MLXIPL: variants seen among roughly 807,000 people sequenced by gnomAD.
MLXIPL encodes MLX interacting protein like.
In MLXIPL, 49 loss-of-function variants were observed where a neutral mutation model predicts 81.5. The ratio of observed to expected loss-of-function variants is 0.60; its 90% confidence interval spans 0.48 to 0.76. The LOEUF is 0.76. Among genes scored for constraint, MLXIPL ranks in the 30% least tolerant of loss-of-function variants. The pLI is 0.00. For synonymous variants in MLXIPL, 466 were observed against 485.5 expected (o/e 0.96, Z 0.53); for missense variants, 1,053 against 1,167.0 (o/e 0.90, Z 1.42).
chr7:73,607,631 G>A lies in MLXIPL; in HGVS notation c.442C>T (p.Pro148Ser), dbSNP rs781941618. 1.2e-6 allele frequency: 2 copies of A among 1,613,498 alleles called. No individual in the cohort carries two copies. Among genetic ancestry groups the A allele is most frequent in the South Asian group, 1.1e-5 (1 of 91,068 alleles). Residue 148 changes from proline (P) to serine (S), a missense_variant, in exon 3 of 17, where the codon CCC becomes TCC. Pro to Ser is a moderately conservative substitution (Grantham distance 74). This residue lies in a region of MLXIPL where 226 missense variants were observed against 216.2 expected (regional missense o/e 1.05). Transcript: ENST00000313375. The part of the protein sequence containing the change: ...RKSPVCGFVT[P>S]LQGPEADAHR... ...GCATCAGCCTCAGGCCCCTGCAGGGGGGTCACGAAGCCACACACGGGGCTC... is the reference window on the plus strand; with the variant it reads ...GCATCAGCCTCAGGCCCCTGCAGGGAGGTCACGAAGCCACACACGGGGCTC...
intron 1 of MLXIPL, among the ~76,000 whole-genome samples, chr7:73,617,318 C>T (rs782541845): frequency 3.2e-4 from 49 of 152,152 alleles, no homozygotes; most frequent in African/African-American, 1.1e-3. Context: ...CATGCCCAGC[C>T]GAGGGTGCCT....
chr7:73,643,687 A>T, the MLXIPL span, among the ~76,000 whole-genome samples: 1 of 151,986 alleles, frequency 6.6e-6, no homozygotes, highest in African/African-American at 2.4e-5. Context: ...CCTTGCAAAC[A>T]TCATGTGTCA....
the MLXIPL span, among the ~76,000 whole-genome samples, chr7:73,632,553 T>C: frequency 1.4e-4 from 21 of 152,156 alleles, no homozygotes; most frequent in African/African-American, 5.1e-4. Flanking sequence ...TCTTCACTGA[T>C]GTCCTAGTGC....
the MLXIPL span, among the ~76,000 whole-genome samples, chr7:73,630,900 A>C: frequency 6.6e-6 from 1 of 152,324 alleles, no homozygotes; most frequent in East Asian, 1.9e-4. Context: ...ACCAAAACAC[A>C]AGACTATTCG....
At chr7:73,630,049 G>C in the MLXIPL span, among the ~76,000 whole-genome samples, 1 of 151,244 alleles carries the variant, frequency 6.6e-6, no homozygotes, top group Admixed American at 6.6e-5. Flanking sequence ...CCAGGCAGGA[G>C]TGCAGTGGCA....
the MLXIPL span, among the ~76,000 whole-genome samples, chr7:73,630,142 C>T: frequency 4.0e-5 from 6 of 151,778 alleles, no homozygotes; most frequent in Non-Finnish European, 7.4e-5. Context: ...GGACTACAGG[C>T]GCCCGCCACC....
chr7:73,626,899 C>T (rs1796763983), upstream of MLXIPL, among the ~76,000 whole-genome samples: 2 of 152,134 alleles, frequency 1.3e-5, no homozygotes, highest in Non-Finnish European at 2.9e-5. Context: ...TGACATGCAG[C>T]ACTTTCTTCC....
intron 2 of MLXIPL, among the ~76,000 whole-genome samples, chr7:73,612,826 GCGGAA>G (rs1180854713): frequency 6.6e-6 from 1 of 152,048 alleles, no homozygotes; most frequent in Non-Finnish European, 1.5e-5. Context: ...TCACTCAGCC[GCGGAA>G]CCCTTTGCAC....
Position 73,593,295 on chromosome 7 carries a change from G to A in MLXIPL, c.*570C>T. 1 of 188,418 alleles carries A rather than the reference G, an allele frequency of 5.3e-6. No homozygotes were observed. The highest frequency in any genetic ancestry group is 1.1e-4 in the South Asian group (1 of 8,784). The allele number at this position is 188,418 out of a possible 1,614,324, so 11.7% of individuals were successfully genotyped here. ...CACACATGATGCCTGCCCTGCTGTG[G>A]TCACTCTGGCCCTGGTGTCTCCTGG... On this transcript the variant is annotated 3_prime_UTR_variant, in exon 17 of 17. Coordinates refer to ENST00000313375, the MANE Select transcript of MLXIPL (RefSeq NM_032951.3).
chr7:73,599,400 T>G, intron 8 of MLXIPL, 126 bp downstream of exon 8: 1 of 1,244,694 alleles, frequency 8.0e-7, no homozygotes, highest in Admixed American at 1.8e-5. Context: ...GGGGTCTTTC[T>G]TTCCCTCCAA....
chr7:73,618,629 T>C (rs538108361), intron 1 of MLXIPL, among the ~76,000 whole-genome samples: 1 of 149,830 alleles, frequency 6.7e-6, no homozygotes, highest in East Asian at 2.0e-4. Flanking sequence ...ATTACCCAAA[T>C]AAGATACACA....
chr7:73,608,951 G>T (rs981231109), intron 2 of MLXIPL, among the ~76,000 whole-genome samples: 1 of 151,930 alleles, frequency 6.6e-6, no homozygotes, highest in Admixed American at 6.6e-5. Flanking sequence ...CTCAGCCTCT[G>T]GTGTACGCCA....
intron 2 of MLXIPL, 30 bp downstream of exon 2, chr7:73,616,041 C>T (rs1171394615): frequency 8.2e-6 from 13 of 1,588,694 alleles, no homozygotes; most frequent in East Asian, 2.2e-5. Context: ...CAGTCCCTCC[C>T]GGCTTGGGAG....
At chr7:73,616,203 T>C in intron 1 of MLXIPL, 26 bp from the exon 2 acceptor site, 1 of 1,569,310 alleles carries the variant, frequency 6.4e-7, no homozygotes, top group Non-Finnish European at 8.8e-7. Flanking sequence ...GGAGTAGGGT[T>C]AGGGAGATGC....
intron 1 of MLXIPL, among the ~76,000 whole-genome samples, chr7:73,617,849 G>GA (rs1472166441): frequency 2.6e-5 from 4 of 151,180 alleles, no homozygotes; most frequent in Non-Finnish European, 4.4e-5. Flanking sequence ...TGTCTTGAAG[G>GA]AAAAAAAAAT....
At chr7:73,640,776 CAAAAAAAAA>C in the MLXIPL span, among the ~76,000 whole-genome samples, 1 of 66,796 alleles carries the variant, frequency 1.5e-5, no homozygotes, top group Admixed American at 1.8e-4. Flanking sequence ...GACTCCATCT[CAAAAAAAAA>C]AAAAAAAAAG....
At chr7:73,644,649 C>A in the MLXIPL span, among the ~76,000 whole-genome samples, 2 of 152,190 alleles carry the variant, frequency 1.3e-5, no homozygotes, top group East Asian at 1.9e-4. Context: ...TTTCCTCCCC[C>A]CAGCCCGCCC....
chr7:73,624,135 G>GGC, intron 1 of MLXIPL, 65 bp downstream of exon 1: 41 of 1,352,912 alleles, frequency 3.0e-5, no homozygotes, highest in Non-Finnish European at 3.8e-5. Context: ...GCGCAGTCCT[G>GGC]CCCCGGACCC....
At position 73,594,380 on chromosome 7, in the gene MLXIPL, CAG is replaced by C; in HGVS notation, c.2332_2333del (p.Leu778ValfsTer2). On this transcript the variant is annotated frameshift_variant, in exon 16 of 17. Coordinates refer to ENST00000313375, the MANE Select transcript of MLXIPL (RefSeq NM_032951.3). LOFTEE classifies it high-confidence loss of function. ...ACACCATCCCGTTGAAGGACTCAAACAGAGGCCGGATGAGGATGCTGAACTGG... is the reference window on the plus strand; with the variant it reads ...ACACCATCCCGTTGAAGGACTCAAACAGGCCGGATGAGGATGCTGAACTGG... ...FWVFSILIRP[L>X]FESFNGMVST... 2 of 1,605,600 alleles carry C rather than the reference CAG, an allele frequency of 1.2e-6. No homozygotes were observed. Among genetic ancestry groups the C allele is most frequent in the Non-Finnish European group, 1.7e-6 (2 of 1,179,976 alleles).
Sources: allele counts gnomAD v4.1 joint callset (sites outside exome capture counted in the v4.1 genomes callset), GRCh38; gene constraint gnomAD v4.1.1; regional missense constraint gnomAD v4.1.1; transcripts MANE v1.5; gene names NCBI Gene and HGNC (gene_info 2026-07-23, HGNC 2026-07-21).